Variants in NDUFV2 observed in about 807,000 individuals in gnomAD.
NDUFV2 encodes the protein NADH:ubiquinone oxidoreductase core subunit V2.
Under a neutral mutation model 31.6 loss-of-function variants are expected in NDUFV2, and 18 were observed. That is an observed-to-expected ratio of 0.57 (90% confidence interval 0.39 to 0.84). The LOEUF (loss-of-function observed/expected upper bound fraction) is 0.84. Ranked by LOEUF, NDUFV2 falls within the 40% of genes least tolerant of loss-of-function variation. The pLI, the probability that NDUFV2 is intolerant of heterozygous loss-of-function variation, is 0.00. For synonymous variants in NDUFV2, 83 were observed against 99.8 expected (o/e 0.83, Z 1.01); for missense variants, 314 against 303.6 (o/e 1.03, Z -0.26).
intron 1 of NDUFV2, among the ~76,000 whole-genome samples, chr18:9,111,265 G>T (rs766511196): frequency 1.3e-5 from 2 of 152,002 alleles, no homozygotes; most frequent in Non-Finnish European, 2.9e-5. Context: ...TTAAATTTCT[G>T]GGAATAATAC....
chr18:9,106,455 C>T (rs1047656963), intron 1 of NDUFV2, among the ~76,000 whole-genome samples: 7 of 152,234 alleles, frequency 4.6e-5, no homozygotes, highest in Non-Finnish European at 1.0e-4. Context: ...TCTACTTAGC[C>T]ATACTAGAAG....
chr18:9,103,131 G>A, intron 1 of NDUFV2: 2 of 401,596 alleles, frequency 5.0e-6, no homozygotes, highest in East Asian at 3.6e-5. Context: ...CAGTTTCGAA[G>A]ACCGTCGCTC....
intron 2 of NDUFV2, 63 bp downstream of exon 2, chr18:9,117,966 A>G (rs1005971702): frequency 1.8e-6 from 2 of 1,083,160 alleles, no homozygotes; most frequent in Non-Finnish European, 2.9e-6. Context: ...AATCCATTGT[A>G]AAAATCCAAA....
intron 1 of NDUFV2, among the ~76,000 whole-genome samples, chr18:9,116,932 A>G (rs1205204145): frequency 6.6e-6 from 1 of 152,146 alleles, no homozygotes; most frequent in African/African-American, 2.4e-5. Flanking sequence ...GGTAGGAGCA[A>G]GAGGGCAAAG....
At chr18:9,119,255 A>G (rs2077916759) in intron 2 of NDUFV2, 71 bp from the exon 3 acceptor site, 1 of 1,117,600 alleles carries the variant, frequency 8.9e-7, no homozygotes, top group East Asian at 2.4e-5. Context: ...AAGTAATAGT[A>G]TAGTAATGTA....
At chr18:9,113,829 C>T (rs1163325594) in intron 1 of NDUFV2, among the ~76,000 whole-genome samples, 2 of 152,130 alleles carry the variant, frequency 1.3e-5, no homozygotes, top group African/African-American at 4.8e-5. Flanking sequence ...CTAAAAGGGA[C>T]AGGAATTGCT....
intron 7 of NDUFV2, among the ~76,000 whole-genome samples, chr18:9,129,897 TG>T (rs2078024952): frequency 6.6e-6 from 1 of 152,174 alleles, no homozygotes; most frequent in African/African-American, 2.4e-5. Context: ...AGTTGCTATG[TG>T]GAGATTAGAA....
Position 9,134,230 on chromosome 18 carries a change from T to C in NDUFV2, c.701T>C (p.Leu234Ser). 3.1e-6 allele frequency: 5 copies of C among 1,613,344 alleles called. No individual in the cohort carries two copies. Among genetic ancestry groups the C allele is most frequent in the Non-Finnish European group, 3.4e-6 (4 of 1,179,924 alleles). Residue 234 changes from leucine (L) to serine (S), a missense_variant, in exon 8 of 8, where the codon TTG (leucine) becomes TCG (serine). Physicochemically the swap from Leu to Ser is moderately radical, Grantham distance 145. Transcript: ENST00000318388. ...GAGCCAGCTGGAGGTCTTACCTCTTTGACTGAACCACCCAAGGGACCTGGA... is the reference window on the plus strand; with the variant it reads ...GAGCCAGCTGGAGGTCTTACCTCTTCGACTGAACCACCCAAGGGACCTGGA... ...SCEPAGGLTS[L>S]TEPPKGPGFG...
At position 9,126,918 on chromosome 18, in the gene NDUFV2, T is replaced by C; in HGVS notation, c.656+11T>C. 1 of 1,609,192 alleles carries C rather than the reference T, an allele frequency of 6.2e-7. No individual in the cohort carries two copies. Among genetic ancestry groups the C allele is most frequent in the Non-Finnish European group, 8.5e-7 (1 of 1,175,616 alleles). On this transcript the variant is annotated intron_variant, in intron 7 of 7. Coordinates refer to ENST00000318388, the MANE Select transcript of NDUFV2 (RefSeq NM_021074.5). ...AAAACCAGGGCCAAGGTATGCTTTA[T>C]TTATATATAGGAAGTTTTAGTGGCT...
rs147912888 is a variant in NDUFV2 at position 9,129,085 on chromosome 18, G to T, written c.656+2178G>T. Among the ~76,000 whole-genome samples, 387 of 152,180 alleles carry T rather than the reference G, an allele frequency of 2.5e-3. 2 individuals carry two copies. The highest frequency in any genetic ancestry group is 8.8e-3 in the African/African-American group (365 of 41,522). On this transcript the variant is annotated intron_variant, in intron 7 of 7. Coordinates refer to ENST00000318388, the MANE Select transcript of NDUFV2 (RefSeq NM_021074.5). ...CCCGAGCAGCTGGGACTATAAGAACGTGCCACCACCATGCCCAGCTAATTT... is the reference window on the plus strand; with the variant it reads ...CCCGAGCAGCTGGGACTATAAGAACTTGCCACCACCATGCCCAGCTAATTT...
chr18:9,114,244 T>C lies in NDUFV2; in HGVS notation c.55-3594T>C, dbSNP rs146527857. ...GAATTAATTTCAGTGGAGAAGTAGA[T>C]GGTTTTTTAACCATCAAATACATTA... is the stretch of plus-strand genomic sequence containing the variant. On this transcript the variant is annotated intron_variant, in intron 1 of 7. Coordinates refer to ENST00000318388, the MANE Select transcript of NDUFV2 (RefSeq NM_021074.5). Among the ~76,000 whole-genome samples the C allele has an allele frequency of 5.9e-3, 901 of 152,310 alleles. 9 individuals carry two copies. The highest frequency in any genetic ancestry group is 0.02 in the African/African-American group (842 of 41,560).
intron 4 of NDUFV2, among the ~76,000 whole-genome samples, chr18:9,120,368 A>G (rs535152668): frequency 3.9e-5 from 6 of 152,318 alleles, no homozygotes; most frequent in African/African-American, 9.6e-5. Context: ...CTCATTGGCA[A>G]TGAAAGTTTT....
At chr18:9,109,268 G>A (rs967439437) in intron 1 of NDUFV2, among the ~76,000 whole-genome samples, 1 of 152,206 alleles carries the variant, frequency 6.6e-6, no homozygotes, top group South Asian at 2.1e-4. Flanking sequence ...CATCTAAAAG[G>A]TATATTCCTT....
chr18:9,105,584 G>A (rs1378507165), intron 1 of NDUFV2, among the ~76,000 whole-genome samples: 1 of 152,190 alleles, frequency 6.6e-6, no homozygotes, highest in Non-Finnish European at 1.5e-5. Context: ...AGTTTCGAAG[G>A]TGAGAGGGTT....
chr18:9,117,793 T>C, intron 1 of NDUFV2, 45 bp from the exon 2 acceptor site: 1 of 1,139,914 alleles, frequency 8.8e-7, no homozygotes, highest in Non-Finnish European at 1.3e-6. Context: ...GAAAAATTTT[T>C]TAAGGCTATG....
At position 9,124,876 on chromosome 18, in the gene NDUFV2, A is replaced by G. The variant is rs2077974815; in HGVS notation, c.472A>G (p.Ile158Val). The part of the protein sequence containing the change: ...ILEAIQKKLG[I>V]KVGETTPDKL... The stretch of plus-strand genomic sequence containing the variant: ...AGAGTGTTTATTTGTATTTTTAGGA[A>G]TAAAGGTTGGGGAGACTACACCTGA... The change falls in exon 6 of 8, where the codon ATA (isoleucine) becomes GTA (valine). Residue 158 changes from isoleucine (I) to valine (V), a missense_variant and splice_region_variant. Ile to Val is a conservative substitution (Grantham distance 29). Coordinates refer to ENST00000318388, the MANE Select transcript of NDUFV2 (RefSeq NM_021074.5). 4.3e-6 allele frequency: 7 copies of G among 1,611,108 alleles called. No individual in the cohort carries two copies. Among genetic ancestry groups the G allele is most frequent in the Non-Finnish European group, 5.9e-6 (7 of 1,178,806 alleles).
chr18:9,122,245 C>T (rs1178752210), intron 4 of NDUFV2, among the ~76,000 whole-genome samples: 1 of 152,094 alleles, frequency 6.6e-6, no homozygotes, highest in Non-Finnish European at 1.5e-5. Context: ...TATCCTTTTA[C>T]AGAGGTGAGA....
intron 2 of NDUFV2, among the ~76,000 whole-genome samples, chr18:9,118,815 G>T (rs200931069): frequency 6.6e-4 from 51 of 76,756 alleles, no homozygotes; most frequent in South Asian, 1.7e-3. Flanking sequence ...AGATGGTGCT[G>T]TTTTTTTTTT....
chr18:9,103,300 A>G (rs1413022827), intron 1 of NDUFV2: 3 of 396,384 alleles, frequency 7.6e-6, no homozygotes, highest in Non-Finnish European at 1.3e-5. Flanking sequence ...TGCTTTGCAT[A>G]TCGGAAATGC....
Sources: gnomAD v4.1 joint callset for allele counts (sites outside exome capture counted in the v4.1 genomes callset) on GRCh38, gnomAD v4.1.1 for gene constraint, MANE v1.5 for transcripts, NCBI Gene and HGNC (gene_info 2026-07-23, HGNC 2026-07-21) for gene names.